PPP1R9A: variants seen among roughly 807,000 people sequenced by gnomAD.
The protein encoded by PPP1R9A is neurabin-1.
In PPP1R9A, 59 loss-of-function variants were observed where a neutral mutation model predicts 141.9. The observed-to-expected ratio is 0.42, with a 90% CI of 0.34 to 0.52. PPP1R9A has a LOEUF of 0.52. Among genes scored for constraint, PPP1R9A ranks in the 20% least tolerant of loss-of-function variants. PPP1R9A has a pLI of 0.10. For missense variants in PPP1R9A, 1,444 were observed against 1,611.9 expected, an observed-to-expected ratio of 0.90 and a Z score of 1.78; for synonymous variants, 500 against 569.7, an observed-to-expected ratio of 0.88 and a Z score of 1.74.
chr7:95,197,239 T>C (rs887093512), intron 5 of PPP1R9A, among the ~76,000 whole-genome samples: 3 of 152,110 alleles, frequency 2.0e-5, no homozygotes, highest in Non-Finnish European at 4.4e-5. Flanking sequence ...TGATAAGTAA[T>C]ACTTAGAAAC....
intron 8 of PPP1R9A, among the ~76,000 whole-genome samples, chr7:95,234,907 G>T (rs10276594): frequency 6.6e-6 from 1 of 152,004 alleles, no homozygotes; most frequent in Non-Finnish European, 1.5e-5. Context: ...ACAAAAACAT[G>T]AAGTGGGGAA....
intron 5 of PPP1R9A, among the ~76,000 whole-genome samples, chr7:95,166,186 G>C (rs1831236475): frequency 6.7e-6 from 1 of 148,868 alleles, no homozygotes; most frequent in Admixed American, 6.7e-5. Context: ...TTAGAAGAAA[G>C]AGTATCTTCA....
intron 2 of PPP1R9A, among the ~76,000 whole-genome samples, chr7:94,968,100 T>C (rs1467218849): frequency 6.6e-6 from 1 of 150,984 alleles, no homozygotes; most frequent in Non-Finnish European, 1.5e-5. Flanking sequence ...GCTCCTGTAG[T>C]GGGTGCATGT....
chr7:95,089,721 G>A lies in PPP1R9A; in HGVS notation c.1396-21538G>A, dbSNP rs949326967. Among the ~76,000 whole-genome samples the A allele has an allele frequency of 6.7e-4, 98 of 147,350 alleles. 2 individuals are homozygous for A. The highest frequency in any genetic ancestry group is 2.3e-3 in the African/African-American group (92 of 39,926). ...CTGCAACTGTATATTTTAGAAGCTC[G>A]TTTTTTTTTTTCTGAATTAAACTAA... On this transcript the variant is annotated intron_variant, in intron 2 of 19. Transcript: ENST00000433360.
At chr7:95,139,198 A>C (rs1172037564) in intron 4 of PPP1R9A, among the ~76,000 whole-genome samples, 1 of 152,222 alleles carries the variant, frequency 6.6e-6, no homozygotes, top group Non-Finnish European at 1.5e-5. Flanking sequence ...GGGAGGCCTC[A>C]GGAAACTTAT....
intron 7 of PPP1R9A, among the ~76,000 whole-genome samples, chr7:95,218,524 G>T (rs956573078): frequency 6.6e-6 from 1 of 152,156 alleles, no homozygotes; most frequent in Non-Finnish European, 1.5e-5. Context: ...GGATATCCTT[G>T]TTAACTTTCT....
chr7:95,138,041 T>A (rs1343236809), intron 4 of PPP1R9A, among the ~76,000 whole-genome samples: 1 of 151,508 alleles, frequency 6.6e-6, no homozygotes, highest in Non-Finnish European at 1.5e-5. Context: ...CACACCATTC[T>A]CCTGCCTCAG....
chr7:95,062,231 G>A (rs1157764488), intron 2 of PPP1R9A, among the ~76,000 whole-genome samples: 2 of 152,044 alleles, frequency 1.3e-5, no homozygotes, highest in African/African-American at 2.4e-5. Flanking sequence ...TTGGAAACCA[G>A]TGTCTTCAGA....
chr7:95,075,106 C>T (rs1328053960), intron 2 of PPP1R9A, among the ~76,000 whole-genome samples: 1 of 152,050 alleles, frequency 6.6e-6, no homozygotes, highest in Non-Finnish European at 1.5e-5. Flanking sequence ...TTCATTTGTG[C>T]CATGAATAAT....
At chr7:95,175,415 A>G (rs1659362293) in intron 5 of PPP1R9A, among the ~76,000 whole-genome samples, 1 of 152,090 alleles carries the variant, frequency 6.6e-6, no homozygotes, top group Non-Finnish European at 1.5e-5. Context: ...GAGACTATTT[A>G]GGAAAGATTG....
intron 2 of PPP1R9A, among the ~76,000 whole-genome samples, chr7:95,096,395 T>A (rs1280690599): frequency 1.3e-5 from 2 of 152,110 alleles, no homozygotes; most frequent in East Asian, 3.9e-4. Flanking sequence ...GACAGTGCAA[T>A]CATATTCTTG....
intron 2 of PPP1R9A, among the ~76,000 whole-genome samples, chr7:95,099,272 G>A (rs1818442145): frequency 6.6e-6 from 1 of 152,114 alleles, no homozygotes; most frequent in South Asian, 2.1e-4. Context: ...CCCCCAAATG[G>A]TTGCCAATTG....
Position 94,910,180 on chromosome 7 carries a change from T to C in PPP1R9A, c.67T>C (p.Tyr23His), listed in dbSNP as rs113009807. The change falls in exon 2 of 20, where the codon TAT becomes CAT. Residue 23 changes from tyrosine to histidine, a missense_variant. Tyr to His is a moderately conservative substitution (Grantham distance 83). Transcript: ENST00000433360. This position sits in a 1 kb window ranked among gnomAD's most constrained non-coding sequence, Gnocchi z 4.5. ...LRSASPHRNA[Y>H]RTEFQALKST... ...AAGTGCCTCTCCTCACAGGAATGCA[T>C]ATCGAACTGAGTTTCAGGCACTGAA... The C allele has an allele frequency of 1.2e-6, 2 of 1,614,134 alleles. No homozygotes were observed. The highest frequency in any genetic ancestry group is 2.2e-5 in the East Asian group (1 of 44,874).
At chr7:95,134,801 A>G (rs1475931414) in intron 4 of PPP1R9A, among the ~76,000 whole-genome samples, 1 of 151,792 alleles carries the variant, frequency 6.6e-6, no homozygotes. Flanking sequence ...TCAGGAACCA[A>G]TTTTTTTTCT....
At chr7:94,918,012 A>C (rs1792311588) in intron 2 of PPP1R9A, among the ~76,000 whole-genome samples, 1 of 152,208 alleles carries the variant, frequency 6.6e-6, no homozygotes, top group Admixed American at 6.5e-5. Context: ...GTATAAACAA[A>C]ACAAACATTA....
intron 16 of PPP1R9A, among the ~76,000 whole-genome samples, chr7:95,277,436 G>A (rs927911667): frequency 5.3e-5 from 8 of 152,104 alleles, no homozygotes; most frequent in African/African-American, 1.7e-4. Context: ...TTGTTTGTTT[G>A]TTTGTTTGTT....
chr7:94,949,269 T>A (rs889453105), intron 2 of PPP1R9A, among the ~76,000 whole-genome samples: 1 of 152,146 alleles, frequency 6.6e-6, no homozygotes, highest in African/African-American at 2.4e-5. Flanking sequence ...CTCAAAACTC[T>A]CATATGCCTT....
rs534887212 is a variant in PPP1R9A at position 95,181,654 on chromosome 7, G to A, written c.1755-16695G>A. On this transcript the variant is annotated intron_variant, in intron 5 of 19. Transcript: ENST00000433360. ...CATATATATAGAATATATATATTCC[G>A]TCACATATATATAGAATATATATAT... Among the ~76,000 whole-genome samples the A allele has an allele frequency of 5.0e-3, 631 of 127,064 alleles. 1 individual carries two copies. The highest frequency in any genetic ancestry group is 0.016 in the Middle Eastern group (3 of 192). 83.4% of individuals were successfully genotyped at this position (127,064 alleles called of 152,430 possible).
At chr7:95,173,002 C>T (rs928219344) in intron 5 of PPP1R9A, among the ~76,000 whole-genome samples, 30 of 151,726 alleles carry the variant, frequency 2.0e-4, no homozygotes, top group Non-Finnish European at 1.9e-4. Context: ...ATTAAATAGT[C>T]TCATTGAAAA....
Sources: allele counts gnomAD v4.1 joint callset (sites outside exome capture counted in the v4.1 genomes callset), GRCh38; gene constraint gnomAD v4.1.1; non-coding constraint Gnocchi (gnomAD v3.1); transcripts MANE v1.5; gene names NCBI Gene and HGNC (gene_info 2026-07-23, HGNC 2026-07-21).